The following HYAL4 variants were observed in gnomAD, a reference collection of about 807,000 sequenced individuals.
HYAL4 encodes hyaluronidase-4.
In HYAL4, 37 loss-of-function variants were observed where a neutral mutation model predicts 35.2. That is an observed-to-expected ratio of 1.05 (90% CI 0.81 to 1.38). The LOEUF is 1.38. Ranked by LOEUF, HYAL4 falls within the 40% of genes most tolerant of loss-of-function variation. The pLI is 0.00. For synonymous variants in HYAL4, 198 were observed against 203.2 expected (o/e 0.97, Z 0.22); for missense variants, 572 against 572.4 (o/e 1.00, Z 0.01).
At chr7:123,874,694 C>G in intron 3 of HYAL4, 67 bp from the exon 4 acceptor site, 1 of 967,880 alleles carries the variant, frequency 1.0e-6, no homozygotes, top group South Asian at 1.3e-5. Context: ...CGTGAGCCAC[C>G]GCGCCCAGCC....
intron 3 of HYAL4, among the ~76,000 whole-genome samples, chr7:123,872,774 C>A (rs1429554714): frequency 6.6e-6 from 1 of 152,164 alleles, no homozygotes; most frequent in East Asian, 1.9e-4. Flanking sequence ...CAAAACATAG[C>A]TGCTTTGTGA....
intron 2 of HYAL4, among the ~76,000 whole-genome samples, chr7:123,864,132 A>C (rs907384328): frequency 6.6e-6 from 1 of 152,182 alleles, no homozygotes; most frequent in Non-Finnish European, 1.5e-5. Flanking sequence ...TAGAACTATG[A>C]AACCAAGGTC....
the HYAL4 span, among the ~76,000 whole-genome samples, chr7:123,776,627 T>C: frequency 6.6e-6 from 1 of 152,292 alleles, no homozygotes; most frequent in South Asian, 2.1e-4. Flanking sequence ...TATGTTGCAG[T>C]TGGCTGCTCC....
At chr7:123,816,049 T>A in the HYAL4 span, among the ~76,000 whole-genome samples, 3 of 152,174 alleles carry the variant, frequency 2.0e-5, no homozygotes, top group Non-Finnish European at 2.9e-5. Flanking sequence ...TTTGGAAGAA[T>A]CTCATGGGCA....
At chr7:123,860,679 G>A (rs538005778) in intron 2 of HYAL4, among the ~76,000 whole-genome samples, 1 of 151,938 alleles carries the variant, frequency 6.6e-6, no homozygotes, top group South Asian at 2.1e-4. Flanking sequence ...ATAAGAATTA[G>A]GAAGACATTA....
the HYAL4 span, among the ~76,000 whole-genome samples, chr7:123,818,361 A>T: frequency 6.6e-6 from 1 of 152,210 alleles, no homozygotes; most frequent in East Asian, 1.9e-4. Context: ...TCCTGTGGAT[A>T]TAAAACTCTG....
At chr7:123,870,405 GA>G (rs1350313519) in intron 3 of HYAL4, among the ~76,000 whole-genome samples, 3 of 152,178 alleles carry the variant, frequency 2.0e-5, no homozygotes, top group African/African-American at 4.8e-5. Context: ...ATACCACCCA[GA>G]AAAATCAGTG....
chr7:123,875,449 G>T, intron 4 of HYAL4, among the ~76,000 whole-genome samples: 1 of 151,910 alleles, frequency 6.6e-6, no homozygotes, highest in East Asian at 1.9e-4. Flanking sequence ...TTCAGGCCAG[G>T]AGTTCGAGAC....
the HYAL4 span, among the ~76,000 whole-genome samples, chr7:123,819,894 T>C: frequency 0.012 from 1,789 of 148,512 alleles, 32 homozygotes; most frequent in African/African-American, 0.042. Context: ...TCTTTTTTTT[T>C]CTTTTTTTTT....
chr7:123,782,498 T>C, the HYAL4 span, among the ~76,000 whole-genome samples: 18 of 152,146 alleles, frequency 1.2e-4, no homozygotes, highest in African/African-American at 4.3e-4. Flanking sequence ...CCATATTGAT[T>C]TAGTTTTTTT....
the HYAL4 span, among the ~76,000 whole-genome samples, chr7:123,766,058 C>A: frequency 6.6e-6 from 1 of 152,022 alleles, no homozygotes. Context: ...GTTACTTGTT[C>A]TTTTCTTCAA....
At chr7:123,795,590 T>A in the HYAL4 span, among the ~76,000 whole-genome samples, 1 of 152,220 alleles carries the variant, frequency 6.6e-6, no homozygotes, top group Non-Finnish European at 1.5e-5. Context: ...CCCCTTTTGA[T>A]CAACACTTCT....
intron 1 of HYAL4, among the ~76,000 whole-genome samples, chr7:123,839,046 G>A (rs999635113): frequency 4.6e-5 from 7 of 151,790 alleles, no homozygotes; most frequent in Non-Finnish European, 1.0e-4. Context: ...TGCAGGTTTG[G>A]TATATAGGTA....
chr7:123,809,275 C>T, the HYAL4 span, among the ~76,000 whole-genome samples: 2 of 152,146 alleles, frequency 1.3e-5, no homozygotes, highest in Non-Finnish European at 2.9e-5. Context: ...AGATCAAATA[C>T]ATCTTCTCTG....
At chr7:123,806,980 T>C in the HYAL4 span, among the ~76,000 whole-genome samples, 2 of 152,180 alleles carry the variant, frequency 1.3e-5, no homozygotes, top group Non-Finnish European at 1.5e-5. Context: ...TTGATCCTTA[T>C]AGATGTCCTA....
chr7:123,778,968 G>A, the HYAL4 span, among the ~76,000 whole-genome samples: 2 of 152,096 alleles, frequency 1.3e-5, no homozygotes, highest in Non-Finnish European at 2.9e-5. Context: ...AGCAGACATT[G>A]AAGAGATTTG....
chr7:123,770,007 AAG>A, the HYAL4 span, among the ~76,000 whole-genome samples: 28 of 152,158 alleles, frequency 1.8e-4, no homozygotes, highest in Admixed American at 7.2e-4. Context: ...AATATTTAAA[AAG>A]AGAGGATATT....
Position 123,869,218 on chromosome 7 carries a change from C to T in HYAL4, c.945C>T (p.Phe315=). 3 of 1,591,910 alleles carry T rather than the reference C, an allele frequency of 1.9e-6. No homozygotes were observed. The highest frequency in any genetic ancestry group is 1.7e-6 in the Non-Finnish European group (2 of 1,167,964). The part of the protein sequence containing the change: ...RLGYRDEPLF[F]LSKQDLVSTI... Reference sequence around the variant, plus strand: ...GGTACAGAGATGAACCTTTATTTTTCCTTTCTAAGGTAAGAAGCTTCTTGT... The same window carrying T: ...GGTACAGAGATGAACCTTTATTTTTTCTTTCTAAGGTAAGAAGCTTCTTGT... The change falls in exon 3 of 5, where the codon TTC becomes TTT. Residue 315 remains phenylalanine (F), a synonymous_variant. Transcript: ENST00000223026.
At chr7:123,784,383 C>T in the HYAL4 span, among the ~76,000 whole-genome samples, 2 of 152,270 alleles carry the variant, frequency 1.3e-5, no homozygotes, top group South Asian at 2.1e-4. Context: ...CTTAATACAA[C>T]TAGAAAATGT....
Sources: gnomAD v4.1 joint callset for allele counts (sites outside exome capture counted in the v4.1 genomes callset) on GRCh38, gnomAD v4.1.1 for gene constraint, MANE v1.5 for transcripts, NCBI Gene and HGNC (gene_info 2026-07-23, HGNC 2026-07-21) for gene names.